The following NICOL1 variants were observed in gnomAD, a reference collection of about 807,000 sequenced individuals.
NICOL1 encodes NELL2-interacting cell ontogeny regulator 1.
the NICOL1 span, among the ~76,000 whole-genome samples, chr4:2,036,711 C>A: frequency 6.6e-6 from 1 of 152,050 alleles, no homozygotes; most frequent in Non-Finnish European, 1.5e-5. Flanking sequence ...CACGTAGAGG[C>A]AGAAGAGTCA....
chr4:2,038,420 T>C, the NICOL1 span, among the ~76,000 whole-genome samples: 4 of 151,566 alleles, frequency 2.6e-5, no homozygotes, highest in Admixed American at 2.6e-4. Flanking sequence ...CCCAACTAGA[T>C]GGGATTACAG....
At chr4:2,042,920 C>A in the NICOL1 span, 1 of 780,066 alleles carries the variant, frequency 1.3e-6, no homozygotes, top group Non-Finnish European at 1.9e-6. Flanking sequence ...GTGGAGTGTC[C>A]CTCATCCTTC....
At chr4:2,040,942 G>T in the NICOL1 span, among the ~76,000 whole-genome samples, 1 of 151,346 alleles carries the variant, frequency 6.6e-6, no homozygotes, top group African/African-American at 2.4e-5. Flanking sequence ...GTCCCAGCTT[G>T]TGCCGGGAAG....
chr4:2,042,217 G>A, the NICOL1 span: 1 of 1,360,344 alleles, frequency 7.4e-7, no homozygotes, highest in South Asian at 1.6e-5. Context: ...TGGGTCCAGG[G>A]CTCCCAGGCC....
the NICOL1 span, chr4:2,042,721 C>T: frequency 2.7e-6 from 4 of 1,501,708 alleles, no homozygotes; most frequent in African/African-American, 1.4e-5. Flanking sequence ...CCACCCTGAC[C>T]CGCGCCCCCC....
the NICOL1 span, chr4:2,041,971 C>G: frequency 1.4e-6 from 2 of 1,452,572 alleles, no homozygotes; most frequent in Non-Finnish European, 1.8e-6. Context: ...GATGGGGAAC[C>G]CGGGCGGGGT....
the NICOL1 span, among the ~76,000 whole-genome samples, chr4:2,037,405 A>G: frequency 6.6e-6 from 1 of 152,222 alleles, no homozygotes; most frequent in African/African-American, 2.4e-5. Context: ...ATACACTTCT[A>G]AATAACTTCT....
At chr4:2,037,023 G>A in the NICOL1 span, among the ~76,000 whole-genome samples, 1 of 152,096 alleles carries the variant, frequency 6.6e-6, no homozygotes, top group Non-Finnish European at 1.5e-5. Context: ...GGGAGGGATT[G>A]GATCACGGAG....
At chr4:2,038,126 T>C in the NICOL1 span, among the ~76,000 whole-genome samples, 5 of 150,018 alleles carry the variant, frequency 3.3e-5, no homozygotes, top group South Asian at 2.1e-4. Flanking sequence ...TATATTTTTG[T>C]TATTATAAGT....
the NICOL1 span, chr4:2,041,621 G>A: frequency 4.7e-6 from 1 of 214,890 alleles, no homozygotes; most frequent in Non-Finnish European, 9.2e-6. Context: ...CCCCACACTG[G>A]ACCCCACTCG....
At chr4:2,042,005 C>T in the NICOL1 span, 8 of 1,468,938 alleles carry the variant, frequency 5.4e-6, no homozygotes, top group Non-Finnish European at 6.3e-6. Context: ...ATGCGCGTTG[C>T]GCGCCGGACG....
At chr4:2,037,594 ATAACT>A in the NICOL1 span, among the ~76,000 whole-genome samples, 47 of 152,352 alleles carry the variant, frequency 3.1e-4, no homozygotes, top group African/African-American at 5.5e-4. Context: ...TAATCGGGAA[ATAACT>A]TGACTTCTTC....
the NICOL1 span, chr4:2,042,731 C>T: frequency 3.4e-5 from 51 of 1,509,246 alleles, no homozygotes; most frequent in Non-Finnish European, 4.4e-5. Flanking sequence ...CCGCGCCCCC[C>T]GCAGGCCGCC....
At chr4:2,043,786 C>G in the NICOL1 span, 1 of 1,321,166 alleles carries the variant, frequency 7.6e-7, no homozygotes, top group South Asian at 1.3e-5. Flanking sequence ...ATAGGGCTGC[C>G]TTGGGTGGGT....
At chr4:2,042,198 CG>C in the NICOL1 span, 1 of 466,228 alleles carries the variant, frequency 2.1e-6, no homozygotes, top group South Asian at 2.5e-5. Context: ...CTCCCGGGCC[CG>C]GGGTGGGTGG....
chr4:2,039,962 GAAT>G, the NICOL1 span, among the ~76,000 whole-genome samples: 2 of 152,014 alleles, frequency 1.3e-5, no homozygotes. Flanking sequence ...TGAGAAAAAG[GAAT>G]AATTTTAAGG....
At chr4:2,039,847 G>C in the NICOL1 span, among the ~76,000 whole-genome samples, 10 of 151,982 alleles carry the variant, frequency 6.6e-5, no homozygotes, top group Non-Finnish European at 1.3e-4. Flanking sequence ...TTCAAAAAAA[G>C]AGTTAAACTT....
the NICOL1 span, among the ~76,000 whole-genome samples, chr4:2,041,273 G>C: frequency 1.3e-5 from 2 of 152,136 alleles, no homozygotes; most frequent in African/African-American, 4.8e-5. Context: ...CTCCCAGGGC[G>C]TCCGGGGCCC....
At chr4:2,043,788 T>C in the NICOL1 span, 2 of 1,330,846 alleles carry the variant, frequency 1.5e-6, no homozygotes, top group South Asian at 2.7e-5. Context: ...AGGGCTGCCT[T>C]GGGTGGGTGG....
Sources: allele counts gnomAD v4.1 joint callset (sites outside exome capture counted in the v4.1 genomes callset), GRCh38; gene constraint gnomAD v4.1.1; transcripts MANE v1.5; gene names NCBI Gene and HGNC (gene_info 2026-07-23, HGNC 2026-07-21).